The following DLG1 variants were observed in gnomAD, a reference collection of about 807,000 sequenced individuals.
DLG1 encodes the protein disks large homolog 1.
Under a neutral mutation model 123.4 loss-of-function variants are expected in DLG1, and 42 were observed. The ratio of observed to expected loss-of-function variants is 0.34; its 90% CI spans 0.27 to 0.44. DLG1 has a LOEUF of 0.44. Among genes scored for constraint, DLG1 ranks in the 20% least tolerant of loss-of-function variants. The pLI is 1.00. For synonymous variants in DLG1, 317 were observed against 356.2 expected, an observed-to-expected ratio of 0.89 and a Z score of 1.24; for missense variants, 942 against 1,082.6, an observed-to-expected ratio of 0.87 and a Z score of 1.82.
intron 3 of DLG1, among the ~76,000 whole-genome samples, chr3:197,285,866 G>A (rs1380121816): frequency 1.3e-5 from 2 of 152,120 alleles, no homozygotes; most frequent in Non-Finnish European, 2.9e-5. Flanking sequence ...CAGCAATTGC[G>A]CTCCTTGGTA....
chr3:197,200,267 T>C lies in DLG1; in HGVS notation c.319-5678A>G, dbSNP rs113283246. Among the ~76,000 whole-genome samples, 1,219 of 152,282 alleles carry C rather than the reference T, an allele frequency of 8.0e-3. 13 individuals carry two copies. The highest frequency in any genetic ancestry group is 0.027 in the African/African-American group (1,113 of 41,568). On this transcript the variant is annotated intron_variant, in intron 4 of 24. Transcript: ENST00000667157. Reference sequence around the variant, plus strand: ...AATCAATACCAGACAGTTGAACAAATATTATTAGTGTGCAAATATCTCCCT... The same window carrying C: ...AATCAATACCAGACAGTTGAACAAACATTATTAGTGTGCAAATATCTCCCT...
chr3:197,272,985 A>C (rs1469627814), intron 4 of DLG1, among the ~76,000 whole-genome samples: 1 of 152,186 alleles, frequency 6.6e-6, no homozygotes, highest in Non-Finnish European at 1.5e-5. Flanking sequence ...AGACTTGTAC[A>C]ACTACCATCA....
intron 4 of DLG1, among the ~76,000 whole-genome samples, chr3:197,195,054 T>A (rs79171026): frequency 0.13 from 18,720 of 149,194 alleles, 1,203 homozygotes; most frequent in Middle Eastern, 0.15. Context: ...TCTCTCTCTC[T>A]CACACACACA....
intron 4 of DLG1, among the ~76,000 whole-genome samples, chr3:197,201,760 G>A (rs976432016): frequency 9.9e-5 from 15 of 152,144 alleles, no homozygotes; most frequent in Non-Finnish European, 1.8e-4. Flanking sequence ...CAATCTGGAA[G>A]TTCAATGTAA....
chr3:197,209,501 A>G (rs1328763992), intron 4 of DLG1, among the ~76,000 whole-genome samples: 3 of 146,786 alleles, frequency 2.0e-5, no homozygotes, highest in Non-Finnish European at 4.6e-5. Context: ...GACAAATTGA[A>G]CAAAGTATCA....
At chr3:197,097,822 C>T (rs777991303) in intron 14 of DLG1, among the ~76,000 whole-genome samples, 2 of 149,612 alleles carry the variant, frequency 1.3e-5, no homozygotes, top group Non-Finnish European at 3.0e-5. Context: ...CCTTGTGAGT[C>T]GCCCACCTCA....
At chr3:197,228,518 T>A (rs1741146991) in intron 4 of DLG1, among the ~76,000 whole-genome samples, 1 of 152,244 alleles carries the variant, frequency 6.6e-6, no homozygotes, top group South Asian at 2.1e-4. Context: ...GTGTTTCTTG[T>A]CTGTTTTTTT....
intron 4 of DLG1, among the ~76,000 whole-genome samples, chr3:197,199,332 G>C (rs1724373280): frequency 6.6e-6 from 1 of 152,044 alleles, no homozygotes; most frequent in African/African-American, 2.4e-5. Context: ...AAAACTTTTT[G>C]AGCACCAATA....
intron 4 of DLG1, among the ~76,000 whole-genome samples, chr3:197,232,736 A>G (rs1373327410): frequency 6.6e-6 from 1 of 151,736 alleles, no homozygotes; most frequent in African/African-American, 2.4e-5. Flanking sequence ...TCCTAAAATT[A>G]CCATCTATCT....
intron 4 of DLG1, among the ~76,000 whole-genome samples, chr3:197,236,329 A>G (rs1745946195): frequency 6.6e-6 from 1 of 152,060 alleles, no homozygotes; most frequent in Non-Finnish European, 1.5e-5. Flanking sequence ...TAAAAAAAAG[A>G]CAAAATAAAA....
chr3:197,158,985 A>G (rs1324164369), intron 5 of DLG1, among the ~76,000 whole-genome samples: 1 of 152,166 alleles, frequency 6.6e-6, no homozygotes, highest in Non-Finnish European at 1.5e-5. Flanking sequence ...TTAATAGGCT[A>G]GTATCACAGA....
intron 16 of DLG1, among the ~76,000 whole-genome samples, chr3:197,084,552 C>T (rs532903114): frequency 4.6e-5 from 7 of 151,770 alleles, no homozygotes; most frequent in African/African-American, 1.5e-4. Flanking sequence ...CCTCGTGATC[C>T]GCCCACCTCG....
At chr3:197,250,370 C>A (rs1753772522) in intron 4 of DLG1, among the ~76,000 whole-genome samples, 1 of 151,930 alleles carries the variant, frequency 6.6e-6, no homozygotes, top group Admixed American at 6.6e-5. Context: ...GAGTTCGAGA[C>A]CAGCCTGGCC....
intron 22 of DLG1, among the ~76,000 whole-genome samples, chr3:197,064,669 G>A (rs1215312136): frequency 2.0e-5 from 3 of 151,858 alleles, no homozygotes; most frequent in South Asian, 4.2e-4. Flanking sequence ...GGGAATATTA[G>A]CCCTTTTCTT....
At chr3:197,253,246 C>T (rs1222923754) in intron 4 of DLG1, among the ~76,000 whole-genome samples, 3 of 152,066 alleles carry the variant, frequency 2.0e-5, no homozygotes, top group Non-Finnish European at 2.9e-5. Context: ...CCACCCAATT[C>T]GAATATGGGC....
intron 5 of DLG1, among the ~76,000 whole-genome samples, chr3:197,154,957 A>C (rs1394792584): frequency 6.6e-6 from 1 of 152,174 alleles, no homozygotes; most frequent in African/African-American, 2.4e-5. Flanking sequence ...CATCAAGCAG[A>C]CCAACTAATG....
chr3:197,139,137 A>G (rs924893595), intron 8 of DLG1, among the ~76,000 whole-genome samples: 10 of 152,162 alleles, frequency 6.6e-5, no homozygotes, highest in African/African-American at 2.2e-4. Flanking sequence ...ATTTGTTCCT[A>G]GTCTTAGCCT....
intron 5 of DLG1, among the ~76,000 whole-genome samples, chr3:197,190,127 A>C (rs1216711374): frequency 6.6e-6 from 1 of 152,220 alleles, no homozygotes; most frequent in Non-Finnish European, 1.5e-5. Flanking sequence ...GGAAGAAATG[A>C]ATCAGATTAA....
chr3:197,297,156 C>A (rs1394969923), intron 2 of DLG1, 30 bp downstream of exon 2: 2 of 1,613,486 alleles, frequency 1.2e-6, no homozygotes, highest in African/African-American at 2.7e-5. Context: ...CAAGTGACAT[C>A]GACAACAGAG....
Sources: allele counts gnomAD v4.1 joint callset (sites outside exome capture counted in the v4.1 genomes callset), GRCh38; gene constraint gnomAD v4.1.1; transcripts MANE v1.5; gene names NCBI Gene and HGNC (gene_info 2026-07-23, HGNC 2026-07-21).